HDAC8: variants seen among roughly 807,000 people sequenced by gnomAD.
HDAC8 encodes the protein histone deacetylase-like 1.
In HDAC8, 1 loss-of-function variant was observed where a neutral mutation model predicts 32.2. The observed-to-expected ratio is 0.03, with a 90% CI of 0.01 to 0.15. The LOEUF is 0.15. HDAC8 is among the 10% of genes least tolerant of loss of function. HDAC8 has a pLI of 1.00. For synonymous variants in HDAC8, 108 were observed against 113.9 expected (o/e 0.95, Z 0.33); for missense variants, 117 against 300.0 (o/e 0.39, Z 4.51).
intron 9 of HDAC8, among the ~76,000 whole-genome samples, chrX:72,363,821 G>A (rs782290759): frequency 2.7e-5 from 3 of 112,230 alleles, no homozygotes; most frequent in East Asian, 2.8e-4. Flanking sequence ...TGATCCACCC[G>A]CCTTGGCCTC....
intron 7 of HDAC8, among the ~76,000 whole-genome samples, chrX:72,475,157 C>T (rs1272542300): frequency 9.0e-6 from 1 of 111,244 alleles, no homozygotes; most frequent in Admixed American, 9.6e-5. Context: ...TGCTTTCCAA[C>T]AGACACTCTC....
chrX:72,441,637 T>G (rs2047150942), intron 9 of HDAC8, among the ~76,000 whole-genome samples: 1 of 111,920 alleles, frequency 8.9e-6, no homozygotes, highest in African/African-American at 3.3e-5. Context: ...CCTCTCCTCC[T>G]CCAAAGGAAC....
intron 9 of HDAC8, among the ~76,000 whole-genome samples, chrX:72,408,085 C>T (rs1012541593): frequency 8.9e-6 from 1 of 111,873 alleles, no homozygotes; most frequent in African/African-American, 3.3e-5. Context: ...AGCACTGTTC[C>T]AGGTGCTTAA....
At chrX:72,355,889 T>C (rs1393273675) in intron 9 of HDAC8, among the ~76,000 whole-genome samples, 1 of 112,189 alleles carries the variant, frequency 8.9e-6, no homozygotes, top group African/African-American at 3.2e-5. Flanking sequence ...TGTGCCCAGC[T>C]AGGTTAGTCA....
intron 9 of HDAC8, among the ~76,000 whole-genome samples, chrX:72,353,748 G>C (rs1218735486): frequency 9.0e-6 from 1 of 111,683 alleles, no homozygotes; most frequent in Non-Finnish European, 1.9e-5. Flanking sequence ...TGGAAAGACA[G>C]GCTTAGATAG....
intron 9 of HDAC8, among the ~76,000 whole-genome samples, chrX:72,456,434 T>C (rs782474769): frequency 9.0e-6 from 1 of 111,698 alleles, no homozygotes; most frequent in African/African-American, 3.2e-5. Flanking sequence ...GGAAGAACGC[T>C]GCTGTAAAGG....
At chrX:72,503,295 G>C (rs2049284775) in intron 4 of HDAC8, among the ~76,000 whole-genome samples, 1 of 112,081 alleles carries the variant, frequency 8.9e-6, no homozygotes, top group South Asian at 3.7e-4. Flanking sequence ...AAACAACTTT[G>C]AGACCACACT....
At chrX:72,433,307 C>T (rs1470780952) in intron 9 of HDAC8, among the ~76,000 whole-genome samples, 1 of 111,205 alleles carries the variant, frequency 9.0e-6, no homozygotes, top group Non-Finnish European at 1.9e-5. Flanking sequence ...ATGCATAGAA[C>T]AGTCCCCCTA....
At chrX:72,344,628 A>G (rs1340131397) in intron 10 of HDAC8, among the ~76,000 whole-genome samples, 1 of 112,136 alleles carries the variant, frequency 8.9e-6, no homozygotes, top group Non-Finnish European at 1.9e-5. Context: ...AAGAGAACAC[A>G]TCAAGTATAT....
At chrX:72,465,205 A>G (rs888138588) in intron 7 of HDAC8, among the ~76,000 whole-genome samples, 4 of 111,870 alleles carry the variant, frequency 3.6e-5, no homozygotes, top group Admixed American at 9.5e-5. Flanking sequence ...CTTTACAAGC[A>G]TAGATGTTAT....
rs782307869 is a variant in HDAC8, at chrX:72,394,979, C to T, written c.1006-43141G>A. Among the ~76,000 whole-genome samples, 8 of 111,550 alleles carry T rather than the reference C, an allele frequency of 7.2e-5. No homozygotes were observed. In the Admixed American group the frequency reaches 7.6e-4, roughly 11 times the overall value. ...GCAATCTTTGTCAACCCTTGAGATT[C>T]TCACCAGCATCGACTAAAGAACAGT... is the stretch of plus-strand genomic sequence containing the variant. On this transcript the variant is annotated intron_variant, in intron 9 of 10. Coordinates refer to ENST00000373573, the MANE Select transcript of HDAC8 (RefSeq NM_018486.3).
At chrX:72,495,499 C>G (rs2048993491) in intron 4 of HDAC8, among the ~76,000 whole-genome samples, 1 of 111,414 alleles carries the variant, frequency 9.0e-6, no homozygotes, top group South Asian at 3.8e-4. Flanking sequence ...ATTCATGATC[C>G]CAGATTTTCA....
intron 9 of HDAC8, among the ~76,000 whole-genome samples, chrX:72,368,424 T>C: frequency 9.5e-6 from 1 of 105,818 alleles, no homozygotes; most frequent in East Asian, 3.0e-4. Flanking sequence ...TGGCGCGATC[T>C]CGGCTCACTG....
intron 9 of HDAC8, among the ~76,000 whole-genome samples, chrX:72,355,111 C>G: frequency 8.9e-6 from 1 of 112,403 alleles, no homozygotes; most frequent in Non-Finnish European, 1.9e-5. Flanking sequence ...GAGAAACTGA[C>G]TAGCCTGTGG....
chrX:72,465,039 G>A (rs1380888674), intron 7 of HDAC8, among the ~76,000 whole-genome samples: 2 of 111,641 alleles, frequency 1.8e-5, no homozygotes, highest in Non-Finnish European at 3.8e-5. Flanking sequence ...AACAGCCATA[G>A]GACACAGTAT....
At chrX:72,379,809 T>G (rs1473101011) in intron 9 of HDAC8, among the ~76,000 whole-genome samples, 1 of 111,331 alleles carries the variant, frequency 9.0e-6, no homozygotes. Flanking sequence ...GCCTGTTTAG[T>G]GGCTTTTCTA....
chrX:72,514,001 T>C (rs2049692015), intron 4 of HDAC8, among the ~76,000 whole-genome samples: 1 of 112,478 alleles, frequency 8.9e-6, no homozygotes, highest in Admixed American at 9.4e-5. Context: ...TAAAGTTAGA[T>C]GTGGTAGTAT....
chrX:72,449,257 G>T (rs185950077), intron 9 of HDAC8, among the ~76,000 whole-genome samples: 3,181 of 111,405 alleles, frequency 0.029, 106 homozygotes, highest in African/African-American at 0.098. Context: ...CCATAAAAAA[G>T]GATGAGTTCA....
chrX:72,487,942 A>C (rs1312304421), intron 7 of HDAC8, among the ~76,000 whole-genome samples: 1 of 110,195 alleles, frequency 9.1e-6, no homozygotes, highest in Non-Finnish European at 1.9e-5. Flanking sequence ...CTCCAAAAAA[A>C]AAAAAAAAAA....
Sources: allele counts gnomAD v4.1 joint callset (sites outside exome capture counted in the v4.1 genomes callset), GRCh38; gene constraint gnomAD v4.1.1; transcripts MANE v1.5; gene names NCBI Gene and HGNC (gene_info 2026-07-23, HGNC 2026-07-21).